Variants in F3 observed in about 807,000 individuals in gnomAD.
The protein encoded by F3 is coagulation factor III, tissue factor, also known as tissue factor.
A neutral mutation model predicts 33.5 loss-of-function variants in F3; 18 were observed. That is an observed-to-expected ratio of 0.54 (90% confidence interval 0.37 to 0.80). The LOEUF (loss-of-function observed/expected upper bound fraction) is 0.80. F3 is among the 30% of genes least tolerant of loss of function. F3 has a pLI of 0.00. For synonymous variants in F3, 147 were observed against 140.7 expected (o/e 1.05, Z -0.32); for missense variants, 353 against 362.1 (o/e 0.97, Z 0.20).
chr1:94,533,065 T>C (rs1279117551), intron 4 of F3, 25 bp downstream of exon 4: 3 of 1,604,232 alleles, frequency 1.9e-6, no homozygotes, highest in African/African-American at 1.3e-5. Flanking sequence ...AAACAGGTCA[T>C]AAAAACAAAT....
intron 1 of F3, 67 bp downstream of exon 1, chr1:94,541,470 A>G (rs1045936716): frequency 4.3e-5 from 55 of 1,266,390 alleles, no homozygotes; most frequent in Non-Finnish European, 5.2e-5. Flanking sequence ...GCCCGCTGCC[A>G]GCCAGGACTG....
rs1289643414 is a variant in F3 at position 94,535,996 on chromosome 1, C to T, written c.381G>A (p.Glu127=). Residue 127 remains glutamate, a synonymous_variant, in exon 3 of 6, where the codon GAG becomes GAA. Coordinates refer to ENST00000334047, the MANE Select transcript of F3 (RefSeq NM_001993.5). The stretch of plus-strand genomic sequence containing the variant: ...GGTAAGGTGTGAACTCTGGGGAGTT[C>T]TCATACAGAGGCTCCCCAGCAGAAC... ...STGSAGEPLY[E]NSPEFTPYLE... The T allele has an allele frequency of 6.2e-7, 1 of 1,614,184 alleles. No homozygotes were observed. Among genetic ancestry groups the T allele is most frequent in the Admixed American group, 1.7e-5 (1 of 60,022 alleles).
chr1:94,541,745 G>A lies in F3; in HGVS notation c.-109C>T, dbSNP rs1473447487. Reference sequence around the variant, plus strand: ...CCAGAGGGAGTGCGAGGGGGTGCGGGGAGCTCGCAGTCTTGGGGAGCCGGT... The same window carrying A: ...CCAGAGGGAGTGCGAGGGGGTGCGGAGAGCTCGCAGTCTTGGGGAGCCGGT... On this transcript the variant is annotated 5_prime_UTR_variant, in exon 1 of 6. Transcript: ENST00000334047. 3 of 573,474 alleles carry A rather than the reference G, an allele frequency of 5.2e-6. No individual in the cohort carries two copies. The highest frequency in any genetic ancestry group is 4.4e-5 in the Admixed American group (1 of 22,878). 35.5% of individuals were successfully genotyped at this position (573,474 alleles called of 1,614,324 possible).
intron 5 of F3, among the ~76,000 whole-genome samples, 189 bp from the exon 6 acceptor site, chr1:94,530,785 TG>T (rs1459595262): frequency 6.6e-5 from 10 of 152,184 alleles, no homozygotes; most frequent in African/African-American, 2.4e-4. Context: ...TAATTGACAA[TG>T]GCTAAACACA....
chr1:94,539,952 A>T (rs1220134737), intron 2 of F3, among the ~76,000 whole-genome samples: 2 of 152,216 alleles, frequency 1.3e-5, no homozygotes, highest in African/African-American at 4.8e-5. Context: ...ATCTATCATG[A>T]CCCAAAGCAC....
intron 3 of F3, 43 bp downstream of exon 3, chr1:94,535,922 G>A (rs748693986): frequency 2.2e-5 from 34 of 1,560,760 alleles, no homozygotes; most frequent in South Asian, 1.1e-5. Context: ...ATGTTCAGAC[G>A]TTTCTAACAA....
Position 94,541,508 on chromosome 1 carries a change from C to T in F3, c.100+29G>A, listed in dbSNP as rs770766301. 16 of 1,443,126 alleles carry T rather than the reference C, an allele frequency of 1.1e-5. No homozygotes were observed. In the South Asian group the frequency reaches 2.0e-4, roughly 18 times the overall value. 89.4% of individuals were successfully genotyped at this position (1,443,126 alleles called of 1,614,324 possible). On this transcript the variant is annotated intron_variant, in intron 1 of 5. Coordinates refer to ENST00000334047, the MANE Select transcript of F3 (RefSeq NM_001993.5). ...GCCTCCCTCCTGCGTGTGGCGCGCC[C>T]CGGGCTTCCAGGGGCTGGTGCCACT...
chr1:94,541,719 G>A lies in F3; in HGVS notation c.-83C>T, dbSNP rs1651795838. ...GTTGGGCTGAAGGCGCCCTGGGCCG[G>A]CCAGAGGGAGTGCGAGGGGGTGCGG... On this transcript the variant is annotated 5_prime_UTR_variant, in exon 1 of 6. Transcript: ENST00000334047. The A allele has an allele frequency of 1.2e-6, 1 of 856,726 alleles. No individual in the cohort carries two copies. Among genetic ancestry groups the A allele is most frequent in the Non-Finnish European group, 1.6e-6 (1 of 616,884 alleles). The allele number at this position is 856,726 out of a possible 1,614,324, so 53.1% of individuals were successfully genotyped here. A position where few individuals can be genotyped will look rare whatever the true frequency, so the allele number is the denominator to read the frequency against.
chr1:94,540,431 T>C, intron 1 of F3, 63 bp from the exon 2 acceptor site: 12 of 1,057,502 alleles, frequency 1.1e-5, no homozygotes, highest in Non-Finnish European at 1.7e-5. Flanking sequence ...TGTATTGATG[T>C]ATAAAACACC....
intron 2 of F3, among the ~76,000 whole-genome samples, chr1:94,538,833 A>T (rs1651687931): frequency 6.6e-6 from 1 of 152,222 alleles, no homozygotes; most frequent in Non-Finnish European, 1.5e-5. Context: ...CCAGTACAGC[A>T]GCAAGAGATT....
Position 94,536,092 on chromosome 1 carries a change from A to C in F3, c.285T>G (p.Ile95Met), listed in dbSNP as rs769375517. Residue 95 changes from isoleucine to methionine, a missense_variant, in exon 3 of 6, where the codon ATT (isoleucine) becomes ATG (methionine). Transcript: ENST00000334047. ...AGTACGTCTGCTTCACATCCTTCAC[A>C]ATCTCGTCGGTGAGGTCACACTCTG... ...TDTECDLTDE[I>M]VKDVKQTYLA... 1.5e-5 allele frequency: 24 copies of C among 1,614,176 alleles called. No individual in the cohort carries two copies. The highest frequency in any genetic ancestry group is 1.9e-5 in the Non-Finnish European group (23 of 1,180,040).
intron 2 of F3, 74 bp downstream of exon 2, chr1:94,540,183 A>T: frequency 1.0e-6 from 1 of 960,368 alleles, no homozygotes; most frequent in Non-Finnish European, 1.6e-6. Flanking sequence ...AATCAGCTTT[A>T]AAGACATTCT....
At chr1:94,536,684 A>G (rs1377368083) in intron 2 of F3, among the ~76,000 whole-genome samples, 2 of 152,184 alleles carry the variant, frequency 1.3e-5, no homozygotes, top group Non-Finnish European at 2.9e-5. Flanking sequence ...GCAGTTTTCC[A>G]TCAAGATGAG....
intron 3 of F3, 109 bp from the exon 4 acceptor site, chr1:94,533,377 G>A (rs1207181675): frequency 1.5e-6 from 2 of 1,317,962 alleles, no homozygotes; most frequent in Non-Finnish European, 2.1e-6. Flanking sequence ...TAAAACATGT[G>A]CATAGAACCA....
rs780707936 is a variant in F3 at position 94,532,389 on chromosome 1, C to T, written c.683G>A (p.Arg228Gln). Residue 228 changes from arginine to glutamine, a missense_variant, in exon 5 of 6, where the codon CGA becomes CAA. Transcript: ENST00000334047. ...GTCTGTACTCTTCCGGTTAACTGTT[C>T]GGGAGGGAATCACTGCTTGAACACT... ...CFSVQAVIPS[R>Q]TVNRKSTDSP... The T allele has an allele frequency of 1.5e-5, 25 of 1,613,978 alleles. No homozygotes were observed. Among genetic ancestry groups the T allele is most frequent in the South Asian group, 5.5e-5 (5 of 91,086 alleles).
chr1:94,541,308 C>T (rs879776042), intron 1 of F3, among the ~76,000 whole-genome samples: 14 of 152,214 alleles, frequency 9.2e-5, no homozygotes, highest in Non-Finnish European at 2.1e-4. Context: ...AACTCTCCAG[C>T]GGAAGGGGCA....
intron 1 of F3, chr1:94,540,951 A>T (rs1467139790): frequency 6.5e-6 from 1 of 153,490 alleles, no homozygotes; most frequent in Admixed American, 6.5e-5. Flanking sequence ...AGTACGCAGC[A>T]GGTCCCAGTC....
Position 94,541,530 on chromosome 1 carries a change from C to T in F3, c.100+7G>A, listed in dbSNP as rs2101096208. 2.0e-6 allele frequency: 3 copies of T among 1,486,706 alleles called. No individual in the cohort carries two copies. The highest frequency in any genetic ancestry group is 2.7e-6 in the Non-Finnish European group (3 of 1,119,252). The allele number at this position is 1,486,706 out of a possible 1,614,324, so 92.1% of individuals were successfully genotyped here. ...GCCCCGGGCTTCCAGGGGCTGGTGC[C>T]ACTCACCTGAAGCGCCGGCCACCTG... On this transcript the variant is annotated splice_region_variant and intron_variant, in intron 1 of 5. Coordinates refer to ENST00000334047, the MANE Select transcript of F3 (RefSeq NM_001993.5).
rs1570859287 is a variant in F3, at chr1:94,530,236, A to C, written c.*224T>G. 2 of 469,504 alleles carry C rather than the reference A, an allele frequency of 4.3e-6. No individual in the cohort carries two copies. The highest frequency in any genetic ancestry group is 6.5e-5 in the East Asian group (2 of 30,538). 29.1% of individuals were successfully genotyped at this position (469,504 alleles called of 1,614,324 possible). On this transcript the variant is annotated 3_prime_UTR_variant, in exon 6 of 6. Transcript: ENST00000334047. ...AAAGGTGCCATGGTGTTAAAAATTA[A>C]AACTTGGAATTGGTTGTAGTACCAT...
Sources: allele counts gnomAD v4.1 joint callset (sites outside exome capture counted in the v4.1 genomes callset), GRCh38; gene constraint gnomAD v4.1.1; transcripts MANE v1.5; gene names NCBI Gene and HGNC (gene_info 2026-07-23, HGNC 2026-07-21).